Variants in AFG1L observed in about 807,000 individuals in gnomAD.
The protein encoded by AFG1L is AFG1 like ATPase, also known as AFG1-like ATPase.
Under a neutral mutation model 62.2 loss-of-function variants are expected in AFG1L, and 53 were observed. That is an observed-to-expected ratio of 0.85 (90% CI 0.68 to 1.07). AFG1L has a LOEUF of 1.07. Ranked by LOEUF, AFG1L falls within the 50% of genes least tolerant of loss-of-function variation. The pLI, the probability that AFG1L is intolerant of heterozygous loss-of-function variation, is 0.00. For synonymous variants in AFG1L, 228 were observed against 210.3 expected, an observed-to-expected ratio of 1.08 and a Z score of -0.73; for missense variants, 555 against 590.5, an observed-to-expected ratio of 0.94 and a Z score of 0.62.
chr6:108,466,968 A>G (rs1045276655), intron 8 of AFG1L, among the ~76,000 whole-genome samples: 3 of 151,894 alleles, frequency 2.0e-5, no homozygotes, highest in Non-Finnish European at 2.9e-5. Flanking sequence ...ATATAGATGA[A>G]TCTCACAAAC....
At chr6:108,303,782 A>T (rs761352694) in intron 1 of AFG1L, among the ~76,000 whole-genome samples, 2 of 152,190 alleles carry the variant, frequency 1.3e-5, no homozygotes, top group African/African-American at 2.4e-5. Flanking sequence ...TCTCATTTAT[A>T]TATGTGTGTG....
chr6:108,355,646 T>C lies in AFG1L; in HGVS notation c.416-8T>C. 1.9e-6 allele frequency: 3 copies of C among 1,545,712 alleles called. No individual in the cohort carries two copies. The highest frequency in any genetic ancestry group is 2.6e-6 in the Non-Finnish European group (3 of 1,136,440). On this transcript the variant is annotated splice_region_variant and splice_polypyrimidine_tract_variant and intron_variant, in intron 3 of 12. Coordinates refer to ENST00000368977, the MANE Select transcript of AFG1L (RefSeq NM_145315.5). ...AATAGTATTCTTAAAATTTTTTTTA[T>C]TTTTAAGGTACAGGAAAAACAATGG... is the stretch of plus-strand genomic sequence containing the variant.
chr6:108,422,182 G>T (rs1024126065), intron 7 of AFG1L, among the ~76,000 whole-genome samples: 2 of 152,038 alleles, frequency 1.3e-5, no homozygotes, highest in East Asian at 3.9e-4. Context: ...TGCAAACTTT[G>T]TTTATGCAAG....
intron 1 of AFG1L, among the ~76,000 whole-genome samples, chr6:108,319,027 C>T (rs1207960493): frequency 6.6e-6 from 1 of 152,156 alleles, no homozygotes. Flanking sequence ...TCTCTGCTGA[C>T]TAGCTGAATT....
intron 1 of AFG1L, among the ~76,000 whole-genome samples, chr6:108,311,940 C>T (rs535290074): frequency 6.7e-4 from 102 of 152,246 alleles, no homozygotes; most frequent in African/African-American, 2.2e-3. Context: ...TCTCTGCTCA[C>T]TGCAACCTAT....
chr6:108,502,333 G>A (rs1774239960), intron 10 of AFG1L, among the ~76,000 whole-genome samples: 1 of 152,152 alleles, frequency 6.6e-6, no homozygotes, highest in Admixed American at 6.5e-5. Flanking sequence ...AGCCTCCTGA[G>A]TAGCTGGGAT....
chr6:108,470,338 C>T (rs1049734508), intron 8 of AFG1L, among the ~76,000 whole-genome samples: 2 of 152,140 alleles, frequency 1.3e-5, no homozygotes, highest in South Asian at 2.1e-4. Context: ...TTCCATTTCC[C>T]CCTCCTTATA....
chr6:108,483,342 A>G (rs1773402031), intron 10 of AFG1L, among the ~76,000 whole-genome samples: 3 of 152,220 alleles, frequency 2.0e-5, no homozygotes, highest in Admixed American at 1.3e-4. Context: ...TTTCTATTAC[A>G]GTAAACACTG....
chr6:108,395,403 C>CT (rs71551344), intron 6 of AFG1L, among the ~76,000 whole-genome samples: 42,608 of 122,812 alleles, frequency 0.35, 8,228 homozygotes, highest in Non-Finnish European at 0.43. Flanking sequence ...CTTTTCTTTT[C>CT]TTTTTTTTTT....
At chr6:108,463,481 A>T (rs1363650929) in intron 8 of AFG1L, among the ~76,000 whole-genome samples, 1 of 148,502 alleles carries the variant, frequency 6.7e-6, no homozygotes, top group East Asian at 2.0e-4. Context: ...AAGTATTTTT[A>T]TATCTACCAA....
At chr6:108,453,133 C>T (rs2114763932) in intron 8 of AFG1L, among the ~76,000 whole-genome samples, 1 of 152,308 alleles carries the variant, frequency 6.6e-6, no homozygotes, top group East Asian at 1.9e-4. Context: ...AGTCATCCAC[C>T]ACTTCAACAA....
chr6:108,390,821 C>T (rs1781023448), intron 6 of AFG1L, among the ~76,000 whole-genome samples: 1 of 152,198 alleles, frequency 6.6e-6, no homozygotes, highest in African/African-American at 2.4e-5. Context: ...CAGGGACCTA[C>T]TTGAGGAGGC....
intron 7 of AFG1L, among the ~76,000 whole-genome samples, chr6:108,416,294 G>A (rs1770269882): frequency 6.6e-6 from 1 of 152,220 alleles, no homozygotes; most frequent in Non-Finnish European, 1.5e-5. Flanking sequence ...GAGAGGATGT[G>A]GAGAAATAGG....
At chr6:108,496,320 A>C (rs1424445181) in intron 10 of AFG1L, among the ~76,000 whole-genome samples, 1 of 152,190 alleles carries the variant, frequency 6.6e-6, no homozygotes, top group East Asian at 1.9e-4. Context: ...TAAGCATTCA[A>C]TAGTTATAAT....
At chr6:108,466,728 T>C (rs187370969) in intron 8 of AFG1L, among the ~76,000 whole-genome samples, 34 of 148,236 alleles carry the variant, frequency 2.3e-4, no homozygotes, top group African/African-American at 7.9e-4. Context: ...AAAAAAATTA[T>C]ATATATATAT....
intron 8 of AFG1L, among the ~76,000 whole-genome samples, chr6:108,469,766 T>C (rs1020170678): frequency 6.6e-6 from 1 of 152,152 alleles, no homozygotes; most frequent in African/African-American, 2.4e-5. Flanking sequence ...TTTTGAGTTA[T>C]TTGCACAGGA....
intron 8 of AFG1L, among the ~76,000 whole-genome samples, chr6:108,471,445 T>G (rs902222622): frequency 3.3e-5 from 5 of 149,776 alleles, no homozygotes; most frequent in African/African-American, 4.9e-5. Context: ...TCATTTAAAT[T>G]GATGTTCTAT....
intron 10 of AFG1L, among the ~76,000 whole-genome samples, chr6:108,495,811 G>A (rs1309092635): frequency 2.0e-5 from 3 of 152,322 alleles, no homozygotes; most frequent in Non-Finnish European, 1.5e-5. Context: ...AACAATAGTG[G>A]AGAATGCACA....
At chr6:108,463,118 A>G (rs147939255) in intron 8 of AFG1L, among the ~76,000 whole-genome samples, 319 of 152,052 alleles carry the variant, frequency 2.1e-3, no homozygotes, top group African/African-American at 7.4e-3. Context: ...GTGAAACCCC[A>G]TCTCTACTAA....
Sources: gnomAD v4.1 joint callset for allele counts (sites outside exome capture counted in the v4.1 genomes callset) on GRCh38, gnomAD v4.1.1 for gene constraint, MANE v1.5 for transcripts, NCBI Gene and HGNC (gene_info 2026-07-23, HGNC 2026-07-21) for gene names.